The following PTPRO variants were observed in gnomAD, a reference collection of about 807,000 sequenced individuals.
PTPRO encodes protein tyrosine phosphatase receptor type O.
In PTPRO, 62 loss-of-function variants were observed where a neutral mutation model predicts 145.2. The observed-to-expected ratio is 0.43, with a 90% CI of 0.35 to 0.53. The LOEUF is 0.53. Ranked by LOEUF, PTPRO falls within the 20% of genes least tolerant of loss-of-function variation. PTPRO has a pLI of 0.01. For missense variants in PTPRO, 1,345 were observed against 1,482.7 expected, an observed-to-expected ratio of 0.91 and a Z score of 1.53; for synonymous variants, 565 against 514.7, an observed-to-expected ratio of 1.10 and a Z score of -1.32.
At chr12:15,371,097 T>G (rs908954808) in intron 1 of PTPRO, among the ~76,000 whole-genome samples, 1 of 152,214 alleles carries the variant, frequency 6.6e-6, no homozygotes, top group Admixed American at 6.5e-5. Flanking sequence ...GTTAGTGAGT[T>G]AATGATTTTC....
intron 1 of PTPRO, among the ~76,000 whole-genome samples, chr12:15,390,875 C>T (rs1939170954): frequency 6.6e-6 from 1 of 152,154 alleles, no homozygotes; most frequent in Admixed American, 6.5e-5. Context: ...TTATTTCTCA[C>T]AAGCATGAAG....
intron 1 of PTPRO, among the ~76,000 whole-genome samples, chr12:15,392,554 C>G (rs939498140): frequency 3.9e-5 from 6 of 151,916 alleles, no homozygotes; most frequent in South Asian, 4.2e-4. Flanking sequence ...AACTCCATCT[C>G]TACTAAAAAT....
chr12:15,559,066 A>G (rs1011933225), intron 16 of PTPRO, among the ~76,000 whole-genome samples: 6 of 152,194 alleles, frequency 3.9e-5, no homozygotes, highest in African/African-American at 1.4e-4. Context: ...GGGAGGCCCA[A>G]TGGGAGATCA....
At chr12:15,437,430 G>A (rs578256377) in intron 1 of PTPRO, among the ~76,000 whole-genome samples, 1 of 151,632 alleles carries the variant, frequency 6.6e-6, no homozygotes, top group Admixed American at 6.6e-5. Flanking sequence ...AAAGATCTTG[G>A]TGCAAGGAAT....
At chr12:15,572,124 A>G (rs1006632215) in intron 19 of PTPRO, among the ~76,000 whole-genome samples, 3 of 152,150 alleles carry the variant, frequency 2.0e-5, no homozygotes, top group Non-Finnish European at 4.4e-5. Flanking sequence ...TTTCTTAACC[A>G]ATTGATATAT....
chr12:15,471,337 G>A (rs1424328650), intron 1 of PTPRO, among the ~76,000 whole-genome samples: 1 of 152,072 alleles, frequency 6.6e-6, no homozygotes, highest in East Asian at 1.9e-4. Context: ...CCGAGATCCG[G>A]CCACTGCACT....
intron 1 of PTPRO, among the ~76,000 whole-genome samples, chr12:15,387,269 A>C (rs1010546797): frequency 3.3e-5 from 5 of 150,930 alleles, no homozygotes; most frequent in African/African-American, 1.2e-4. Flanking sequence ...ATACACCCTA[A>C]CCTCCAAAAC....
chr12:15,461,457 C>T (rs1286764538), intron 1 of PTPRO, among the ~76,000 whole-genome samples: 3 of 151,732 alleles, frequency 2.0e-5, no homozygotes, highest in African/African-American at 7.3e-5. Context: ...TCATTTGGCT[C>T]AGAATAAATC....
At chr12:15,557,411 C>G (rs1403362912) in intron 15 of PTPRO, 44 bp from the exon 16 acceptor site, 2 of 1,519,096 alleles carry the variant, frequency 1.3e-6, no homozygotes, top group Admixed American at 1.7e-5. Flanking sequence ...CGTAAGAATG[C>G]TTTGTCAAGC....
chr12:15,411,845 T>A (rs911188979), intron 1 of PTPRO, among the ~76,000 whole-genome samples: 1 of 152,246 alleles, frequency 6.6e-6, no homozygotes, highest in African/African-American at 2.4e-5. Context: ...TTCACTTGAC[T>A]TAGCCTAGCC....
intron 1 of PTPRO, among the ~76,000 whole-genome samples, chr12:15,352,814 T>A (rs1937855242): frequency 6.6e-6 from 1 of 152,150 alleles, no homozygotes; most frequent in East Asian, 1.9e-4. Flanking sequence ...GAAGAATAGC[T>A]TACATAAACA....
At chr12:15,544,408 G>C (rs1445924526) in intron 12 of PTPRO, among the ~76,000 whole-genome samples, 1 of 151,066 alleles carries the variant, frequency 6.6e-6, no homozygotes, top group Non-Finnish European at 1.5e-5. Context: ...AGGAGGCTGA[G>C]GCAGGAGAAT....
intron 15 of PTPRO, among the ~76,000 whole-genome samples, chr12:15,552,415 T>G (rs1253570929): frequency 2.0e-5 from 3 of 152,214 alleles, no homozygotes; most frequent in Non-Finnish European, 4.4e-5. Flanking sequence ...TGCTGAATTA[T>G]AAATTAACAT....
At chr12:15,439,175 G>A (rs1393481027) in intron 1 of PTPRO, among the ~76,000 whole-genome samples, 1 of 151,984 alleles carries the variant, frequency 6.6e-6, no homozygotes. Context: ...TCTCAACAAA[G>A]GTTTATAAGT....
intron 1 of PTPRO, among the ~76,000 whole-genome samples, chr12:15,401,105 C>T (rs901581189): frequency 6.6e-6 from 1 of 152,162 alleles, no homozygotes; most frequent in African/African-American, 2.4e-5. Flanking sequence ...TATCTTGCCA[C>T]AGTCATTCAG....
At chr12:15,580,386 C>G (rs1282641932) in intron 21 of PTPRO, among the ~76,000 whole-genome samples, 1 of 152,190 alleles carries the variant, frequency 6.6e-6, no homozygotes, top group East Asian at 1.9e-4. Flanking sequence ...TCACATTCAG[C>G]AACCAAATTC....
intron 1 of PTPRO, among the ~76,000 whole-genome samples, chr12:15,377,018 A>C (rs115010966): frequency 0.024 from 3,585 of 152,306 alleles, 99 homozygotes; most frequent in South Asian, 0.085. Flanking sequence ...TGGGTTTATA[A>C]TGTACAAAGA....
intron 1 of PTPRO, among the ~76,000 whole-genome samples, chr12:15,371,753 G>C (rs1938537612): frequency 6.6e-6 from 1 of 152,154 alleles, no homozygotes; most frequent in South Asian, 2.1e-4. Context: ...AGAGAGACCA[G>C]GTGGAGGTAA....
At chr12:15,533,512 A>G (rs1462540971) in intron 12 of PTPRO, among the ~76,000 whole-genome samples, 1 of 152,198 alleles carries the variant, frequency 6.6e-6, no homozygotes, top group Non-Finnish European at 1.5e-5. Flanking sequence ...TGCTTAACAG[A>G]TACTGTTGAA....
Sources: allele counts gnomAD v4.1 joint callset (sites outside exome capture counted in the v4.1 genomes callset), GRCh38; gene constraint gnomAD v4.1.1; transcripts MANE v1.5; gene names NCBI Gene and HGNC (gene_info 2026-07-23, HGNC 2026-07-21).